The following ARF3 variants were observed in gnomAD, a reference collection of about 807,000 sequenced individuals.
ARF3 encodes ADP-ribosylation factor 3.
In ARF3, 5 loss-of-function variants were observed where a neutral mutation model predicts 19.3. The observed-to-expected ratio is 0.26, with a 90% CI of 0.14 to 0.54. The LOEUF (loss-of-function observed/expected upper bound fraction) is 0.54. ARF3 is among the 20% of genes least tolerant of loss of function. The pLI is 0.95. For synonymous variants in ARF3, 71 were observed against 89.2 expected (o/e 0.80, Z 1.15); for missense variants, 77 against 234.2 (o/e 0.33, Z 4.38).
intron 2 of ARF3, 145 bp from the exon 3 acceptor site, chr12:48,940,252 A>C (rs2137577379): frequency 2.9e-6 from 2 of 689,314 alleles, no homozygotes; most frequent in East Asian, 2.7e-5. Flanking sequence ...CAGACCTGAT[A>C]ATCGTTAAGC....
rs1235762952 is a variant in ARF3, at chr12:48,936,069, C to G, written c.*2878G>C. 2 of 152,278 alleles carry G rather than the reference C, an allele frequency of 1.3e-5. No individual in the cohort carries two copies. Among genetic ancestry groups the G allele is most frequent in the African/African-American group, 4.8e-5 (2 of 41,462 alleles). The allele number at this position is 152,278 out of a possible 1,614,324, so 9.4% of individuals were successfully genotyped here. ...CTAAGTTCCTCCATAACCTTACTCT[C>G]TATCAATCAAGTGTGCCTTTTACCC... On this transcript the variant is annotated 3_prime_UTR_variant, in exon 5 of 5. Coordinates refer to ENST00000256682, the MANE Select transcript of ARF3 (RefSeq NM_001659.3).
At position 48,938,356 on chromosome 12, in the gene ARF3, G is replaced by C. The variant is rs1316440252; in HGVS notation, c.*591C>G. On this transcript the variant is annotated 3_prime_UTR_variant, in exon 5 of 5. Transcript: ENST00000256682. Reference sequence around the variant, plus strand: ...CTTCTTCCCTTAATCTCACCAACACGGAAGGGGCAGATGACAGGCTCCAGT... The same window carrying C: ...CTTCTTCCCTTAATCTCACCAACACCGAAGGGGCAGATGACAGGCTCCAGT... 1 of 454,256 alleles carries C rather than the reference G, an allele frequency of 2.2e-6. No homozygotes were observed. The allele number at this position is 454,256 out of a possible 1,614,324, so 28.1% of individuals were successfully genotyped here. A position where few individuals can be genotyped will look rare whatever the true frequency, so the allele number is the denominator to read the frequency against.
rs1165062885 is a variant in ARF3, at chr12:48,938,433, C to G, written c.*514G>C. ...AGCTTCACTCCACCCCCTCCCCGCT[C>G]CCCCCGGCCCCCACAAATATATCTC... On this transcript the variant is annotated 3_prime_UTR_variant, in exon 5 of 5. Coordinates refer to ENST00000256682, the MANE Select transcript of ARF3 (RefSeq NM_001659.3). 2.2e-6 allele frequency: 1 copy of G among 453,218 alleles called. No individual in the cohort carries two copies. Among genetic ancestry groups the G allele is most frequent in the Non-Finnish European group, 4.4e-6 (1 of 226,522 alleles). 28.1% of individuals were successfully genotyped at this position (453,218 alleles called of 1,614,324 possible).
chr12:48,940,916 C>T (rs772875363), intron 2 of ARF3, 32 bp downstream of exon 2: 22 of 1,528,840 alleles, frequency 1.4e-5, no homozygotes, highest in South Asian at 2.5e-5. Flanking sequence ...CAGCTGCCGG[C>T]GTGAAAGCCC....
rs555587954 is a variant in ARF3, at chr12:48,937,350, C to G, written c.*1597G>C. On this transcript the variant is annotated 3_prime_UTR_variant, in exon 5 of 5. Coordinates refer to ENST00000256682, the MANE Select transcript of ARF3 (RefSeq NM_001659.3). ...AGCTGTCTCGGAGCTCAGGGCGCAG[C>G]CAGCACACACAGGAGCCCACAGGAC... 2.0e-5 allele frequency: 3 copies of G among 152,590 alleles called. No individual in the cohort carries two copies. The East Asian group carries it at 5.8e-4, about 29-fold the overall frequency. 9.5% of individuals were successfully genotyped at this position (152,590 alleles called of 1,614,324 possible).
chr12:48,944,083 C>G (rs1940314805), intron 1 of ARF3, among the ~76,000 whole-genome samples: 1 of 152,252 alleles, frequency 6.6e-6, no homozygotes, highest in African/African-American at 2.4e-5. Context: ...GTCTTCTAGC[C>G]TTTATTCTGC....
At chr12:48,948,735 C>G (rs1002957234) in intron 1 of ARF3, among the ~76,000 whole-genome samples, 1 of 151,948 alleles carries the variant, frequency 6.6e-6, no homozygotes, top group Admixed American at 6.6e-5. Flanking sequence ...TGCTTGAACC[C>G]AGGAAGCAGG....
chr12:48,943,021 C>T (rs564694342), intron 1 of ARF3, among the ~76,000 whole-genome samples: 1 of 152,276 alleles, frequency 6.6e-6, no homozygotes, highest in Non-Finnish European at 1.5e-5. Flanking sequence ...GCAGGAGAAT[C>T]ACTTGAACCT....
rs530984140 is a variant in ARF3 at position 48,954,823 on chromosome 12, C to T, written c.-94+2487G>A. Among the ~76,000 whole-genome samples, 10 of 152,074 alleles carry T rather than the reference C, an allele frequency of 6.6e-5. No individual in the cohort carries two copies. The South Asian group carries it at 2.1e-3, about 32-fold the overall frequency. ...TATATTGGAGCCAGGAGTTTGAGAC[C>T]AGCCCTAGCAACACAGTGAGATCTC... On this transcript the variant is annotated intron_variant, in intron 1 of 4. Transcript: ENST00000256682.
chr12:48,950,267 C>A (rs953989685), intron 1 of ARF3, among the ~76,000 whole-genome samples: 14 of 151,782 alleles, frequency 9.2e-5, no homozygotes, highest in African/African-American at 3.1e-4. Flanking sequence ...GTGATAGTGG[C>A]TCACTGCAGC....
Position 48,938,466 on chromosome 12 carries a change from A to G in ARF3, c.*481T>C, listed in dbSNP as rs1940190584. On this transcript the variant is annotated 3_prime_UTR_variant, in exon 5 of 5. Transcript: ENST00000256682. ...CCCCCACAAATATATCTCTCTATAC[A>G]TGTATATACAGGCGCACACATGCAC... 1 of 451,030 alleles carries G rather than the reference A, an allele frequency of 2.2e-6. No individual in the cohort carries two copies. 27.9% of individuals were successfully genotyped at this position (451,030 alleles called of 1,614,324 possible).
intron 1 of ARF3, among the ~76,000 whole-genome samples, chr12:48,951,133 C>T (rs80044529): frequency 0.043 from 6,493 of 152,244 alleles, 207 homozygotes; most frequent in Non-Finnish European, 0.061. Flanking sequence ...TTTAATAAAT[C>T]CTCTCAGCGT....
chr12:48,939,166 A>T lies in ARF3; in HGVS notation c.385-58T>A. On this transcript the variant is annotated intron_variant, in intron 4 of 4. Coordinates refer to ENST00000256682, the MANE Select transcript of ARF3 (RefSeq NM_001659.3). The surrounding 1 kb of genome is among the most constrained non-coding windows in gnomAD (Gnocchi z 4.8). ...CTCAGGATTTTTTAAAGGCTTCTAG[A>T]ACACCCATCTACCAAAGAAATGTGT... The T allele has an allele frequency of 6.4e-7, 1 of 1,561,232 alleles. No individual in the cohort carries two copies. Among genetic ancestry groups the T allele is most frequent in the South Asian group, 1.2e-5 (1 of 85,188 alleles).
At chr12:48,954,676 T>C (rs1330810182) in intron 1 of ARF3, among the ~76,000 whole-genome samples, 1 of 152,184 alleles carries the variant, frequency 6.6e-6, no homozygotes, top group Non-Finnish European at 1.5e-5. Flanking sequence ...GATTCCAAGA[T>C]CCACTCTTAA....
At position 48,949,827 on chromosome 12, in the gene ARF3, G is replaced by A. The variant is rs184520786; in HGVS notation, c.-94+7483C>T. Among the ~76,000 whole-genome samples the A allele has an allele frequency of 5.1e-4, 78 of 152,300 alleles. No individual in the cohort carries two copies. In the East Asian group the frequency reaches 9.5e-3, roughly 18 times the overall value. The stretch of plus-strand genomic sequence containing the variant: ...CCCAAAGTACTGAGATGACAGGCAT[G>A]AGCCATTGTGCCTGGCCCCTCAATC... On this transcript the variant is annotated intron_variant, in intron 1 of 4. Coordinates refer to ENST00000256682, the MANE Select transcript of ARF3 (RefSeq NM_001659.3).
chr12:48,949,963 T>G (rs959586906), intron 1 of ARF3, among the ~76,000 whole-genome samples: 1 of 152,196 alleles, frequency 6.6e-6, no homozygotes, highest in Non-Finnish European at 1.5e-5. Flanking sequence ...GAGACAGACA[T>G]TAAAAACTCC....
At chr12:48,950,134 C>G (rs377487809) in intron 1 of ARF3, among the ~76,000 whole-genome samples, 1 of 152,182 alleles carries the variant, frequency 6.6e-6, no homozygotes, top group South Asian at 2.1e-4. Flanking sequence ...TGCGCTACAG[C>G]CTCAAATTCT....
At chr12:48,949,072 G>C (rs1940415929) in intron 1 of ARF3, among the ~76,000 whole-genome samples, 1 of 152,242 alleles carries the variant, frequency 6.6e-6, no homozygotes, top group East Asian at 1.9e-4. Flanking sequence ...CAAAATGGTA[G>C]AATCCACAGG....
intron 1 of ARF3, among the ~76,000 whole-genome samples, chr12:48,954,870 T>C (rs1019843209): frequency 1.1e-4 from 17 of 151,650 alleles, no homozygotes; most frequent in African/African-American, 4.1e-4. Flanking sequence ...AAAAAAAAAA[T>C]TCGCTGGGCA....
Sources: allele counts gnomAD v4.1 joint callset (sites outside exome capture counted in the v4.1 genomes callset), GRCh38; gene constraint gnomAD v4.1.1; non-coding constraint Gnocchi (gnomAD v3.1); transcripts MANE v1.5; gene names NCBI Gene and HGNC (gene_info 2026-07-23, HGNC 2026-07-21).